Variants in EFCAB13 observed in about 807,000 individuals in gnomAD.
The protein encoded by EFCAB13 is EF-hand calcium-binding domain-containing protein 13.
EFCAB13 carries 91 observed loss-of-function variants against 110.2 expected under a neutral mutation model. The ratio of observed to expected loss-of-function variants is 0.83; its 90% CI spans 0.70 to 0.98. The LOEUF (loss-of-function observed/expected upper bound fraction) is 0.98. EFCAB13 is among the 50% of genes least tolerant of loss of function. The pLI, the probability that EFCAB13 is intolerant of heterozygous loss-of-function variation, is 0.00. For synonymous variants in EFCAB13, 323 were observed against 369.9 expected (o/e 0.87, Z 1.45); for missense variants, 968 against 1,119.4 (o/e 0.86, Z 1.93).
rs770942824 is a variant in EFCAB13, at chr17:47,347,963, C to T, written c.661+12C>T. ...TGTTGATATTGATGGTAAGTTTTAT[C>T]TTTTCAGTATTAGTTTAAGGGTCTG... On this transcript the variant is annotated intron_variant, in intron 9 of 24. Transcript: ENST00000331493. 16 of 1,425,948 alleles carry T rather than the reference C, an allele frequency of 1.1e-5. No homozygotes were observed. The highest frequency in any genetic ancestry group is 1.4e-5 in the Non-Finnish European group (15 of 1,073,054). 88.3% of individuals were successfully genotyped at this position (1,425,948 alleles called of 1,614,324 possible). A position where few individuals can be genotyped will look rare whatever the true frequency, so the allele number is the denominator to read the frequency against.
At chr17:47,390,603 A>G (rs2065701277) in intron 14 of EFCAB13, among the ~76,000 whole-genome samples, 1 of 152,198 alleles carries the variant, frequency 6.6e-6, no homozygotes, top group African/African-American at 2.4e-5. Flanking sequence ...GATGTAGAAT[A>G]GTTATTCCTA....
intron 15 of EFCAB13, among the ~76,000 whole-genome samples, chr17:47,393,026 T>C (rs1449460392): frequency 6.6e-6 from 1 of 152,088 alleles, no homozygotes; most frequent in Non-Finnish European, 1.5e-5. Flanking sequence ...CACAAGTTGC[T>C]AATAATCACA....
chr17:47,343,066 G>A (rs2065394832), intron 6 of EFCAB13, among the ~76,000 whole-genome samples: 1 of 151,988 alleles, frequency 6.6e-6, no homozygotes, highest in Non-Finnish European at 1.5e-5. Flanking sequence ...ATTCTTGGGG[G>A]ATCTAAATGT....
At chr17:47,376,368 G>C (rs1239298583) in intron 12 of EFCAB13, among the ~76,000 whole-genome samples, 2 of 152,180 alleles carry the variant, frequency 1.3e-5, no homozygotes, top group African/African-American at 4.8e-5. Flanking sequence ...ACAGCAGACA[G>C]ACATGGGTAG....
intron 23 of EFCAB13, among the ~76,000 whole-genome samples, chr17:47,424,502 A>T (rs139250546): frequency 0.015 from 2,240 of 152,304 alleles, 27 homozygotes; most frequent in Middle Eastern, 0.031. Flanking sequence ...AGACCACTGA[A>T]TCTAGAAATG....
chr17:47,399,351 T>G (rs2065767044), intron 17 of EFCAB13, among the ~76,000 whole-genome samples: 1 of 152,236 alleles, frequency 6.6e-6, no homozygotes, highest in South Asian at 2.1e-4. Context: ...CTTTTAACAT[T>G]GTGCACTTAG....
intron 17 of EFCAB13, among the ~76,000 whole-genome samples, chr17:47,398,237 T>G (rs1480673467): frequency 3.6e-5 from 4 of 109,838 alleles, no homozygotes; most frequent in African/African-American, 1.1e-4. Context: ...GGGAGGGAGG[T>G]GGGGGGGTCA....
intron 20 of EFCAB13, among the ~76,000 whole-genome samples, chr17:47,408,681 T>C (rs2065818287): frequency 6.6e-6 from 1 of 151,906 alleles, no homozygotes; most frequent in African/African-American, 2.4e-5. Context: ...AAATAAAAAG[T>C]ATAATCAAAT....
At chr17:47,367,584 G>T (rs1219254103) in intron 10 of EFCAB13, among the ~76,000 whole-genome samples, 1 of 152,184 alleles carries the variant, frequency 6.6e-6, no homozygotes, top group African/African-American at 2.4e-5. Flanking sequence ...ACAAAGCTTG[G>T]CTATCAGAGC....
intron 23 of EFCAB13, among the ~76,000 whole-genome samples, chr17:47,425,804 T>C (rs963435708): frequency 2.0e-5 from 3 of 152,218 alleles, no homozygotes; most frequent in African/African-American, 7.2e-5. Context: ...CCTACAAGTC[T>C]CACTTATCCG....
chr17:47,378,016 T>A, intron 13 of EFCAB13, 113 bp downstream of exon 13: 1 of 980,494 alleles, frequency 1.0e-6, no homozygotes, highest in Non-Finnish European at 1.4e-6. Context: ...ACAGAATGGG[T>A]CATTCTAAAG....
intron 9 of EFCAB13, among the ~76,000 whole-genome samples, chr17:47,357,979 T>G (rs933339039): frequency 6.6e-6 from 1 of 152,216 alleles, no homozygotes; most frequent in African/African-American, 2.4e-5. Context: ...TTTGACCTTA[T>G]TTTCTGTTTG....
chr17:47,363,462 CTT>C (rs34092734), intron 10 of EFCAB13, among the ~76,000 whole-genome samples: 74 of 138,208 alleles, frequency 5.4e-4, no homozygotes, highest in Admixed American at 7.3e-4. Context: ...AAACACACTT[CTT>C]TTTTTTTTTT....
intron 4 of EFCAB13, among the ~76,000 whole-genome samples, chr17:47,334,287 T>C (rs1488596267): frequency 6.6e-6 from 1 of 152,188 alleles, no homozygotes; most frequent in Non-Finnish European, 1.5e-5. Context: ...TGTTCAAGTC[T>C]TTAGCTCATT....
At chr17:47,414,253 A>ATGTG (rs1567803434) in intron 22 of EFCAB13, among the ~76,000 whole-genome samples, 4 of 143,558 alleles carry the variant, frequency 2.8e-5, no homozygotes, top group African/African-American at 7.8e-5. Flanking sequence ...GTGTGTGTGC[A>ATGTG]CGTGCGTGTG....
At chr17:47,423,431 G>A (rs1904792296) in intron 23 of EFCAB13, 1 of 189,818 alleles carries the variant, frequency 5.3e-6, no homozygotes, top group Non-Finnish European at 1.1e-5. Flanking sequence ...CCCGTCGGCT[G>A]CGCCCGCGGC....
At position 47,347,815 on chromosome 17, in the gene EFCAB13, T is replaced by C. The variant is rs577139493; in HGVS notation, c.525T>C (p.His175=). The change falls in exon 9 of 25, where the codon CAT becomes CAC. Residue 175 remains histidine, a synonymous_variant. Coordinates refer to ENST00000331493, the MANE Select transcript of EFCAB13 (RefSeq NM_152347.5). ...TTTGTTATGTGTGTGCAGCACTTCA[T>C]AAAGCCTGTAAAATTTTTAGTAAAA... ...YLHSKELSAL[H]KACKIFSKIR... The C allele has an allele frequency of 1.6e-4, 234 of 1,496,766 alleles. No homozygotes were observed. Among genetic ancestry groups the C allele is most frequent in the Non-Finnish European group, 2.0e-4 (216 of 1,106,722 alleles). The allele number at this position is 1,496,766 out of a possible 1,614,324, so 92.7% of individuals were successfully genotyped here.
At position 47,395,931 on chromosome 17, in the gene EFCAB13, A is replaced by T. The variant is rs141056676; in HGVS notation, c.1899A>T (p.Leu633Phe). Residue 633 changes from leucine to phenylalanine, a missense_variant, in exon 17 of 25, where the codon TTA becomes TTT. Coordinates refer to ENST00000331493, the MANE Select transcript of EFCAB13 (RefSeq NM_152347.5). ...CTCTGTCTAGTTTGAATAGTAATTT[A>T]AAAAAGGATGAATTTCTAGCTGCAT... ...WNTLSSLNSN[L>F]KKDEFLAALE... 30 of 1,608,896 alleles carry T rather than the reference A, an allele frequency of 1.9e-5. No individual in the cohort carries two copies. Among genetic ancestry groups the T allele is most frequent in the Admixed American group, 1.0e-4 (6 of 59,880 alleles).
chr17:47,394,111 TATC>T lies in EFCAB13; in HGVS notation c.1801+15_1801+17del. The T allele has an allele frequency of 6.8e-7, 1 of 1,480,442 alleles. No homozygotes were observed. The highest frequency in any genetic ancestry group is 9.0e-7 in the Non-Finnish European group (1 of 1,107,130). The allele number at this position is 1,480,442 out of a possible 1,614,324, so 91.7% of individuals were successfully genotyped here. ...CTCTGAAAAATTAGGTACGTAAGAATATCATGTCTTCTGCTTTTTGTGGACCAA... is the reference window on the plus strand; with the variant it reads ...CTCTGAAAAATTAGGTACGTAAGAATATGTCTTCTGCTTTTTGTGGACCAA... On this transcript the variant is annotated intron_variant, in intron 16 of 24. Transcript: ENST00000331493.
Sources: allele counts gnomAD v4.1 joint callset (sites outside exome capture counted in the v4.1 genomes callset), GRCh38; gene constraint gnomAD v4.1.1; transcripts MANE v1.5; gene names NCBI Gene and HGNC (gene_info 2026-07-23, HGNC 2026-07-21).